WDR7: variants seen among roughly 807,000 people sequenced by gnomAD.
WDR7 encodes the protein WD repeat domain 7.
In WDR7, 46 loss-of-function variants were observed where a neutral mutation model predicts 169.4. The ratio of observed to expected loss-of-function variants is 0.27; its 90% CI spans 0.21 to 0.35. The LOEUF is 0.35. WDR7 is among the 10% of genes least tolerant of loss of function. WDR7 has a pLI of 1.00. For missense variants in WDR7, 1,534 were observed against 1,859.3 expected, an observed-to-expected ratio of 0.83 and a Z score of 3.22; for synonymous variants, 612 against 666.8, an observed-to-expected ratio of 0.92 and a Z score of 1.27.
chr18:56,967,801 T>C (rs1375401416), intron 26 of WDR7, among the ~76,000 whole-genome samples: 2 of 152,154 alleles, frequency 1.3e-5, no homozygotes, highest in Admixed American at 6.6e-5. Context: ...GGTGAGGCAT[T>C]TACATTTAAC....
chr18:56,813,634 T>C (rs2044913836), intron 19 of WDR7, among the ~76,000 whole-genome samples: 1 of 152,148 alleles, frequency 6.6e-6, no homozygotes, highest in African/African-American at 2.4e-5. Context: ...TTGGTCATGG[T>C]ATATAATTCT....
At position 56,686,035 on chromosome 18, in the gene WDR7, G is replaced by C. The variant is rs1460040235; in HGVS notation, c.597+3G>C. On this transcript the variant is annotated splice_donor_region_variant and intron_variant, in intron 6 of 27. Coordinates refer to ENST00000254442, the MANE Select transcript of WDR7 (RefSeq NM_015285.3). Reference sequence around the variant, plus strand: ...CCTCGGAAATAAGTGACATGCAGGTGAGAAAAAGGAAACTGGGGTGATTTC... The same window carrying C: ...CCTCGGAAATAAGTGACATGCAGGTCAGAAAAAGGAAACTGGGGTGATTTC... 6.3e-7 allele frequency: 1 copy of C among 1,587,414 alleles called. No individual in the cohort carries two copies. Among genetic ancestry groups the C allele is most frequent in the Non-Finnish European group, 8.5e-7 (1 of 1,171,268 alleles).
At chr18:56,928,465 T>C (rs2046836817) in intron 22 of WDR7, among the ~76,000 whole-genome samples, 1 of 152,166 alleles carries the variant, frequency 6.6e-6, no homozygotes, top group African/African-American at 2.4e-5. Flanking sequence ...ACCTTGACTC[T>C]AAATAAATAA....
At chr18:56,797,089 C>G (rs1298790552) in intron 19 of WDR7, among the ~76,000 whole-genome samples, 1 of 152,174 alleles carries the variant, frequency 6.6e-6, no homozygotes, top group Non-Finnish European at 1.5e-5. Context: ...CCAGGTGCAT[C>G]AGCTCTGCTT....
intron 26 of WDR7, among the ~76,000 whole-genome samples, chr18:57,000,553 A>G (rs946972495): frequency 6.6e-6 from 1 of 152,140 alleles, no homozygotes; most frequent in Admixed American, 6.5e-5. Context: ...TATTTTTGGA[A>G]GAGAATTTGC....
intron 12 of WDR7, among the ~76,000 whole-genome samples, chr18:56,712,288 C>G (rs976125965): frequency 6.6e-6 from 1 of 152,066 alleles, no homozygotes; most frequent in Non-Finnish European, 1.5e-5. Context: ...AAAATGAAGT[C>G]TTGTAAAATG....
intron 13 of WDR7, 85 bp downstream of exon 13, chr18:56,718,244 A>G: frequency 7.4e-7 from 1 of 1,350,358 alleles, no homozygotes; most frequent in Non-Finnish European, 9.9e-7. Context: ...TTATATGAAG[A>G]AAAAAGGCTT....
chr18:56,726,529 T>G (rs2026459948), intron 13 of WDR7, among the ~76,000 whole-genome samples: 1 of 152,218 alleles, frequency 6.6e-6, no homozygotes, highest in African/African-American at 2.4e-5. Flanking sequence ...CTGAAGTTGC[T>G]TATCAGCTTA....
intron 26 of WDR7, among the ~76,000 whole-genome samples, chr18:57,011,234 C>G (rs1351714317): frequency 2.0e-5 from 3 of 152,184 alleles, no homozygotes. Flanking sequence ...AAAACTATTA[C>G]TTGCATCATA....
chr18:56,766,362 G>A (rs9959093), intron 16 of WDR7, among the ~76,000 whole-genome samples: 2,092 of 152,020 alleles, frequency 0.014, 46 homozygotes, highest in African/African-American at 0.048. Flanking sequence ...CTCTCTCTAA[G>A]GGACTGAAAT....
chr18:56,822,961 ATTTC>A (rs1264105800), intron 20 of WDR7, among the ~76,000 whole-genome samples: 1 of 152,058 alleles, frequency 6.6e-6, no homozygotes, highest in Non-Finnish European at 1.5e-5. Context: ...ATATGAAAAT[ATTTC>A]TTTCTTGTTT....
chr18:56,811,303 A>G (rs1009339744), intron 19 of WDR7, among the ~76,000 whole-genome samples: 2 of 152,290 alleles, frequency 1.3e-5, no homozygotes, highest in Admixed American at 6.5e-5. Context: ...GCTGGGTCAC[A>G]TGGTAACTCT....
chr18:56,705,727 G>A (rs1385929522), intron 12 of WDR7, among the ~76,000 whole-genome samples: 1 of 152,124 alleles, frequency 6.6e-6, no homozygotes, highest in East Asian at 1.9e-4. Flanking sequence ...GGCCTGGCAC[G>A]ATGGCTCACG....
chr18:57,004,222 T>C (rs931089416), intron 26 of WDR7, among the ~76,000 whole-genome samples: 3 of 152,188 alleles, frequency 2.0e-5, no homozygotes, highest in Middle Eastern at 3.4e-3. Flanking sequence ...GAGCTCCAGA[T>C]AGGTAATCTC....
intron 18 of WDR7, 40 bp from the exon 19 acceptor site, chr18:56,781,493 A>C: frequency 6.6e-7 from 1 of 1,517,922 alleles, no homozygotes; most frequent in Admixed American, 2.1e-5. Flanking sequence ...CTCCTCAACT[A>C]ATCTGCTTTC....
At chr18:56,720,710 A>G (rs561587455) in intron 13 of WDR7, among the ~76,000 whole-genome samples, 2 of 152,306 alleles carry the variant, frequency 1.3e-5, no homozygotes, top group South Asian at 4.1e-4. Context: ...TGAGTTTTCT[A>G]GAAGGAAATG....
In WDR7 at chr18:56,758,873, G is replaced by T; in HGVS notation, c.2768G>T (p.Arg923Ile). The change falls in exon 16 of 28, where the codon AGA becomes ATA. Residue 923 changes from arginine to isoleucine, a missense_variant. Arg to Ile is a moderately conservative substitution (Grantham distance 97). Transcript: ENST00000254442. ...TTTTCTTCTTTTTTAAGGCCACCTAGACCAAGCACCCCAGACCTTTCTAAG... is the reference window on the plus strand; with the variant it reads ...TTTTCTTCTTTTTTAAGGCCACCTATACCAAGCACCCCAGACCTTTCTAAG... ...HMKKGPTRPP[R>I]PSTPDLSKAR... 6.2e-7 allele frequency: 1 copy of T among 1,611,410 alleles called. No homozygotes were observed. The highest frequency in any genetic ancestry group is 1.1e-5 in the South Asian group (1 of 90,484).
chr18:56,805,377 G>T (rs2044755793), intron 19 of WDR7, among the ~76,000 whole-genome samples: 1 of 152,088 alleles, frequency 6.6e-6, no homozygotes, highest in Non-Finnish European at 1.5e-5. Flanking sequence ...CAGAATTTGG[G>T]ATTTTACTGT....
At chr18:56,749,798 A>C (rs2043760870) in intron 14 of WDR7, among the ~76,000 whole-genome samples, 1 of 152,032 alleles carries the variant, frequency 6.6e-6, no homozygotes, top group Middle Eastern at 3.2e-3. Context: ...ACAGGATAAA[A>C]TGAAATACAC....
Sources: gnomAD v4.1 joint callset for allele counts (sites outside exome capture counted in the v4.1 genomes callset) on GRCh38, gnomAD v4.1.1 for gene constraint, MANE v1.5 for transcripts, NCBI Gene and HGNC (gene_info 2026-07-23, HGNC 2026-07-21) for gene names.